Variants in PLA2G12B observed in about 807,000 individuals in gnomAD.
The protein encoded by PLA2G12B is group XIIB secretory phospholipase A2-like protein.
A neutral mutation model predicts 22.3 loss-of-function variants in PLA2G12B; 19 were observed. The ratio of observed to expected loss-of-function variants is 0.85; its 90% confidence interval spans 0.60 to 1.25. The LOEUF (loss-of-function observed/expected upper bound fraction) is 1.25, where lower values mean the gene tolerates loss of function less well. PLA2G12B is among the 50% of genes most tolerant of loss of function. The probability of loss-of-function intolerance (pLI) is 0.00; values close to 1 mark genes in which losing one functional copy is unlikely to be tolerated. For synonymous variants in PLA2G12B, 81 were observed against 94.9 expected, an observed-to-expected ratio of 0.85 and a Z score of 0.85; for missense variants, 191 against 246.6, an observed-to-expected ratio of 0.77 and a Z score of 1.51.
chr10:72,938,870 T>C (rs949800397), intron 3 of PLA2G12B, among the ~76,000 whole-genome samples: 1 of 152,218 alleles, frequency 6.6e-6, no homozygotes, highest in African/African-American at 2.4e-5. Flanking sequence ...AAAATAGTCT[T>C]GACAGAAAAG....
At chr10:72,951,451 C>G (rs1002377757) in intron 1 of PLA2G12B, among the ~76,000 whole-genome samples, 1 of 142,250 alleles carries the variant, frequency 7.0e-6, no homozygotes, top group African/African-American at 2.8e-5. Context: ...GGCACAGACT[C>G]CTTTTTTTTT....
intron 1 of PLA2G12B, among the ~76,000 whole-genome samples, chr10:72,951,670 A>C (rs1048618041): frequency 6.6e-6 from 1 of 152,080 alleles, no homozygotes; most frequent in African/African-American, 2.4e-5. Flanking sequence ...CGTGTTAGCC[A>C]GGATGGTCTC....
At chr10:72,938,127 AAAAGAAAGAAAG>A (rs373306939) in intron 3 of PLA2G12B, among the ~76,000 whole-genome samples, 23 of 151,728 alleles carry the variant, frequency 1.5e-4, no homozygotes, top group Admixed American at 7.2e-4. Flanking sequence ...AAAAAAAAAA[AAAAGAAAGAAAG>A]AAAGAAAGAA....
At chr10:72,941,042 C>T in intron 3 of PLA2G12B, 127 bp downstream of exon 3, 3 of 1,064,150 alleles carry the variant, frequency 2.8e-6, no homozygotes, top group Non-Finnish European at 3.9e-6. Flanking sequence ...TGCTCAGCCA[C>T]AGTGTTCCAT....
chr10:72,942,657 C>T lies in PLA2G12B; in HGVS notation c.295G>A (p.Glu99Lys), dbSNP rs752897409. The T allele has an allele frequency of 1.9e-6, 3 of 1,602,552 alleles. No individual in the cohort carries two copies. In the South Asian group the frequency reaches 3.4e-5, roughly 18 times the overall value. ...GSYFLGLKVP[E>K]SMDLGIPAMT... is the part of the protein sequence containing the mutation. ...GTAATGCTGGCAGTACATACACTTT[C>T]TGGTACCTTGAGACCCAGGAAATAG... The change falls in exon 2 of 4, where the codon GAA (glutamate) becomes AAA (lysine). Residue 99 changes from glutamate to lysine, a missense_variant. Transcript: ENST00000373032.
At chr10:72,940,784 A>G (rs535480581) in intron 3 of PLA2G12B, among the ~76,000 whole-genome samples, 39 of 152,298 alleles carry the variant, frequency 2.6e-4, no homozygotes, top group Admixed American at 2.2e-3. Flanking sequence ...ATTACAAAAA[A>G]AAAAAACTTA....
intron 3 of PLA2G12B, 56 bp downstream of exon 3, chr10:72,941,113 G>A: frequency 1.3e-6 from 2 of 1,528,444 alleles, no homozygotes; most frequent in Non-Finnish European, 9.0e-7. Flanking sequence ...CTATATCTCG[G>A]TGTGAAAACA....
In PLA2G12B at chr10:72,941,276, T is replaced by C. The variant is rs1290169079; in HGVS notation, c.359A>G (p.Asp120Gly). ...GCGATATTTGTTGGCACCGCAAGTG[T>C]CATAACAGACATCCAGCTGGTTGCA... is the stretch of plus-strand genomic sequence containing the variant. ...KCCNQLDVCY[D>G]TCGANKYRCD... The change falls in exon 3 of 4, where the codon GAC (aspartate) becomes GGC (glycine). Residue 120 changes from aspartate to glycine, a missense_variant. Asp to Gly is a moderately conservative substitution (Grantham distance 94). Transcript: ENST00000373032. 3 of 1,613,768 alleles carry C rather than the reference T, an allele frequency of 1.9e-6. No homozygotes were observed. Among genetic ancestry groups the C allele is most frequent in the Non-Finnish European group, 2.5e-6 (3 of 1,179,728 alleles).
intron 1 of PLA2G12B, among the ~76,000 whole-genome samples, chr10:72,945,751 G>C (rs1252271078): frequency 6.6e-6 from 1 of 151,826 alleles, no homozygotes; most frequent in Non-Finnish European, 1.5e-5. Flanking sequence ...AAGTTCAAGT[G>C]ATTCTCCTGC....
At chr10:72,951,891 G>A (rs1846537209) in intron 1 of PLA2G12B, among the ~76,000 whole-genome samples, 1 of 152,150 alleles carries the variant, frequency 6.6e-6, no homozygotes, top group Non-Finnish European at 1.5e-5. Context: ...CTTTAGATAT[G>A]AGAAGCACGG....
chr10:72,952,792 T>C (rs560375300), intron 1 of PLA2G12B, among the ~76,000 whole-genome samples: 1 of 152,286 alleles, frequency 6.6e-6, no homozygotes, highest in East Asian at 1.9e-4. Flanking sequence ...TGCCTTTCTC[T>C]TCTATTTACT....
intron 1 of PLA2G12B, among the ~76,000 whole-genome samples, chr10:72,951,451 CCTT>C (rs1424210583): frequency 2.1e-5 from 3 of 142,264 alleles, no homozygotes; most frequent in East Asian, 4.0e-4. Context: ...GGCACAGACT[CCTT>C]TTTTTTTTTT....
intron 1 of PLA2G12B, among the ~76,000 whole-genome samples, chr10:72,947,939 G>A (rs1482790769): frequency 6.6e-6 from 1 of 151,996 alleles, no homozygotes; most frequent in Non-Finnish European, 1.5e-5. Flanking sequence ...TCAAGATAGC[G>A]TTTCAGCTCA....
intron 2 of PLA2G12B, among the ~76,000 whole-genome samples, chr10:72,941,760 T>A (rs990903720): frequency 3.3e-5 from 5 of 152,030 alleles, no homozygotes; most frequent in African/African-American, 9.7e-5. Flanking sequence ...AAATTCAGCC[T>A]CCGTTCATCA....
intron 1 of PLA2G12B, among the ~76,000 whole-genome samples, chr10:72,950,959 A>C (rs1217033868): frequency 6.6e-6 from 1 of 152,210 alleles, no homozygotes; most frequent in Non-Finnish European, 1.5e-5. Flanking sequence ...CCGGAAGCTG[A>C]GAGGCTGTTG....
intron 1 of PLA2G12B, 35 bp from the exon 2 acceptor site, chr10:72,942,775 A>G (rs1378495118): frequency 6.7e-7 from 1 of 1,490,046 alleles, no homozygotes; most frequent in South Asian, 1.2e-5. Flanking sequence ...AGCAAGAAGA[A>G]ATATTTAGAA....
chr10:72,954,599 C>T lies in PLA2G12B; in HGVS notation c.87G>A (p.Glu29=). The T allele has an allele frequency of 6.2e-7, 1 of 1,614,192 alleles. No homozygotes were observed. Among genetic ancestry groups the T allele is most frequent in the South Asian group, 1.1e-5 (1 of 91,078 alleles). The change falls in exon 1 of 4, where the codon GAG becomes GAA. Residue 29 remains glutamate (E), a synonymous_variant. Transcript: ENST00000373032. ...AQSDTSPDTE[E]SYSDWGLRHL... is the part of the protein sequence containing the mutation. ...GCCGAAGGCCCCAGTCTGAATAGGA[C>T]TCCTCCGTGTCAGGGCTCGTGTCGC...
chr10:72,949,053 C>T (rs537878484), intron 1 of PLA2G12B, among the ~76,000 whole-genome samples: 1 of 152,298 alleles, frequency 6.6e-6, no homozygotes, highest in South Asian at 2.1e-4. Context: ...ATCCTCTCCA[C>T]CCAGCTGGTT....
intron 3 of PLA2G12B, among the ~76,000 whole-genome samples, chr10:72,940,940 C>A (rs1358564359): frequency 6.6e-6 from 1 of 152,112 alleles, no homozygotes; most frequent in Non-Finnish European, 1.5e-5. Context: ...TTGGTGTAGT[C>A]TTTTACCTTC....
Sources: gnomAD v4.1 joint callset for allele counts (sites outside exome capture counted in the v4.1 genomes callset) on GRCh38, gnomAD v4.1.1 for gene constraint, MANE v1.5 for transcripts, NCBI Gene and HGNC (gene_info 2026-07-23, HGNC 2026-07-21) for gene names.